Variants in TEK observed in about 807,000 individuals in gnomAD.
TEK encodes the protein TEK receptor tyrosine kinase.
In TEK, 43 loss-of-function variants were observed where a neutral mutation model predicts 131.8. The ratio of observed to expected loss-of-function variants is 0.33; its 90% confidence interval spans 0.26 to 0.42. TEK has a LOEUF of 0.42. Among genes scored for constraint, TEK ranks in the 10% least tolerant of loss-of-function variants. The probability of loss-of-function intolerance (pLI) is 1.00; values close to 1 mark genes in which losing one functional copy is unlikely to be tolerated. For synonymous variants in TEK, 580 were observed against 491.6 expected (o/e 1.18, Z -2.38); for missense variants, 1,162 against 1,384.4 (o/e 0.84, Z 2.55).
chr9:27,195,461 G>T (rs1041647824), intron 11 of TEK, among the ~76,000 whole-genome samples: 2 of 152,082 alleles, frequency 1.3e-5, no homozygotes, highest in African/African-American at 4.8e-5. Flanking sequence ...ATCTGTTTCT[G>T]TATTATGGTC....
chr9:27,198,222 G>T, intron 12 of TEK: 1 of 161,072 alleles, frequency 6.2e-6, no homozygotes, highest in Non-Finnish European at 1.4e-5. Context: ...TGTGCATTTG[G>T]AACCCTTGGA....
intron 1 of TEK, among the ~76,000 whole-genome samples, chr9:27,146,881 C>T (rs893212429): frequency 6.6e-6 from 1 of 151,922 alleles, no homozygotes; most frequent in Non-Finnish European, 1.5e-5. Context: ...AGGTGCCCAC[C>T]ACCACGCCCG....
At chr9:27,215,050 C>T (rs1172741907) in intron 18 of TEK, among the ~76,000 whole-genome samples, 1 of 152,176 alleles carries the variant, frequency 6.6e-6, no homozygotes, top group Non-Finnish European at 1.5e-5. Context: ...TACTCCAGCA[C>T]TTGGGGGATG....
intron 6 of TEK, among the ~76,000 whole-genome samples, chr9:27,176,371 T>C (rs770295189): frequency 1.3e-5 from 2 of 152,206 alleles, no homozygotes; most frequent in African/African-American, 2.4e-5. Flanking sequence ...AGGAAGAAAG[T>C]TCTAGTGTAT....
intron 9 of TEK, among the ~76,000 whole-genome samples, chr9:27,187,913 C>G (rs1366371433): frequency 6.6e-6 from 1 of 152,066 alleles, no homozygotes; most frequent in Non-Finnish European, 1.5e-5. Context: ...AAATTAATTA[C>G]TTCTTTAAAG....
chr9:27,206,333 C>T (rs572839581), intron 14 of TEK, among the ~76,000 whole-genome samples: 65 of 152,312 alleles, frequency 4.3e-4, no homozygotes, highest in Admixed American at 2.4e-3. Context: ...CTCCTTCCTC[C>T]GTCACCCTTT....
Position 27,158,047 on chromosome 9 carries a change from G to T in TEK, c.269G>T (p.Arg90Ile). The T allele has an allele frequency of 6.2e-7, 1 of 1,614,168 alleles. No individual in the cohort carries two copies. Among genetic ancestry groups the T allele is most frequent in the South Asian group, 1.1e-5 (1 of 91,076 alleles). ...TGGGCTAAAAAAGTTGTTTGGAAGA[G>T]AGAAAAGGCTAGTAAGATCAATGGT... ...REWAKKVVWKREKASKINGAY... is the reference protein window; with the variant it reads ...REWAKKVVWKIEKASKINGAY... Residue 90 changes from arginine (R) to isoleucine (I), a missense_variant, in exon 2 of 23, where the codon AGA (arginine) becomes ATA (isoleucine). This residue lies in a region of TEK where 436 missense variants were observed against 539.1 expected (regional missense o/e 0.81). Coordinates refer to ENST00000380036, the MANE Select transcript of TEK (RefSeq NM_000459.5).
chr9:27,169,799 A>G (rs973832842), intron 4 of TEK, among the ~76,000 whole-genome samples, 170 bp downstream of exon 4: 2 of 152,242 alleles, frequency 1.3e-5, no homozygotes, highest in Non-Finnish European at 2.9e-5. Flanking sequence ...AGAGATAGCA[A>G]TCATTAGAGG....
At chr9:27,224,800 A>G (rs927602296) in intron 21 of TEK, among the ~76,000 whole-genome samples, 19 of 152,222 alleles carry the variant, frequency 1.2e-4, no homozygotes, top group Non-Finnish European at 2.5e-4. Flanking sequence ...TCAAATAGGA[A>G]GAGAGGAAGT....
intron 1 of TEK, among the ~76,000 whole-genome samples, chr9:27,140,740 A>G (rs772761359): frequency 2.0e-5 from 3 of 152,076 alleles, no homozygotes; most frequent in Non-Finnish European, 4.4e-5. Flanking sequence ...TTCTAAAACT[A>G]TTATGTTTTC....
chr9:27,197,473 G>A lies in TEK; in HGVS notation c.1783G>A (p.Gly595Ser). Residue 595 changes from glycine to serine, a missense_variant, in exon 12 of 23, where the codon GGC (glycine) becomes AGC (serine). Transcript: ENST00000380036. ...KSDQQNIKVP[G>S]NLTSVLLNNL... ...TGATCAGCAGAATATTAAAGTTCCAGGCAACTTGACTTCGGTGCTACTTAA... is the reference window on the plus strand; with the variant it reads ...TGATCAGCAGAATATTAAAGTTCCAAGCAACTTGACTTCGGTGCTACTTAA... 3 of 1,614,036 alleles carry A rather than the reference G, an allele frequency of 1.9e-6. No individual in the cohort carries two copies. Among genetic ancestry groups the A allele is most frequent in the Non-Finnish European group, 2.5e-6 (3 of 1,179,986 alleles).
At position 27,197,400 on chromosome 9, in the gene TEK, G is replaced by C; in HGVS notation, c.1710G>C (p.Ser570=). ...NLTWQPIFPS[S]EDDFYVEVER... ...CCTGGCAACCAATATTTCCAAGCTC[G>C]GAAGATGACTTTTATGTTGAAGTGG... Residue 570 remains serine (S), a synonymous_variant, in exon 12 of 23, where the codon TCG becomes TCC. Transcript: ENST00000380036. The C allele has an allele frequency of 6.2e-7, 1 of 1,614,074 alleles. No individual in the cohort carries two copies. The highest frequency in any genetic ancestry group is 8.5e-7 in the Non-Finnish European group (1 of 1,179,996).
chr9:27,218,722 A>G, intron 19 of TEK, 55 bp from the exon 20 acceptor site: 18 of 1,607,270 alleles, frequency 1.1e-5, no homozygotes, highest in Non-Finnish European at 1.5e-5. Context: ...GGGGCCGGAA[A>G]ATGAGCGGTG....
intron 21 of TEK, among the ~76,000 whole-genome samples, chr9:27,220,467 A>G (rs572930364): frequency 9.7e-6 from 1 of 103,462 alleles, no homozygotes; most frequent in South Asian, 4.2e-4. Context: ...AAAGATTTCA[A>G]AGCTGTTCAT....
chr9:27,188,243 C>T (rs1824672526), intron 9 of TEK, among the ~76,000 whole-genome samples: 1 of 152,162 alleles, frequency 6.6e-6, no homozygotes, highest in African/African-American at 2.4e-5. Context: ...TTCTGGAGGG[C>T]TGGGAATATT....
intron 21 of TEK, among the ~76,000 whole-genome samples, chr9:27,221,725 C>CA (rs2131251414): frequency 6.6e-6 from 1 of 152,244 alleles, no homozygotes; most frequent in East Asian, 1.9e-4. Context: ...TCAACATCAA[C>CA]AAAAAGGACC....
In TEK at chr9:27,190,676, G is replaced by T. The variant is rs1463435290; in HGVS notation, c.1475G>T (p.Trp492Leu). ...LYKPVNHYEA[W>L]QHIQVTNEIV... ...AAACCCGTTAATCACTATGAGGCTT[G>T]GCAACATATTCAAGGTAAGCTTTGG... The change falls in exon 10 of 23, where the codon TGG becomes TTG. Residue 492 changes from tryptophan (W) to leucine (L), a missense_variant. Around this residue, in one of 6 missense-constraint regions of TEK, gnomAD observed 477 missense variants for 471.0 expected, o/e 1.01. Transcript: ENST00000380036. The T allele has an allele frequency of 1.2e-6, 2 of 1,613,796 alleles. No individual in the cohort carries two copies. Among genetic ancestry groups the T allele is most frequent in the Non-Finnish European group, 1.7e-6 (2 of 1,179,862 alleles).
intron 11 of TEK, among the ~76,000 whole-genome samples, chr9:27,193,770 C>T (rs1824912653): frequency 6.6e-6 from 1 of 152,138 alleles, no homozygotes; most frequent in Non-Finnish European, 1.5e-5. Context: ...TACTTAATAA[C>T]AGTAAGATGC....
In TEK at chr9:27,225,149, G is replaced by A. The variant is rs990547297; in HGVS notation, c.3201-3057G>A. 3.3e-5 allele frequency among the ~76,000 whole-genome samples: 5 copies of A among 152,298 alleles called. No individual in the cohort carries two copies. In the South Asian group the frequency reaches 6.2e-4, roughly 19 times the overall value. On this transcript the variant is annotated intron_variant, in intron 21 of 22. Coordinates refer to ENST00000380036, the MANE Select transcript of TEK (RefSeq NM_000459.5). ...AAAAACATTCCATGCTCATGGACAGGAAGAATCAATATTGTGAAAATGGCC... is the reference window on the plus strand; with the variant it reads ...AAAAACATTCCATGCTCATGGACAGAAAGAATCAATATTGTGAAAATGGCC...
Sources: allele counts gnomAD v4.1 joint callset (sites outside exome capture counted in the v4.1 genomes callset), GRCh38; gene constraint gnomAD v4.1.1; regional missense constraint gnomAD v4.1.1; transcripts MANE v1.5; gene names NCBI Gene and HGNC (gene_info 2026-07-23, HGNC 2026-07-21).